ITGA7: variants seen among roughly 807,000 people sequenced by gnomAD.
The protein encoded by ITGA7 is integrin alpha-7.
ITGA7 carries 84 observed loss-of-function variants against 131.6 expected under a neutral mutation model. The observed-to-expected ratio is 0.64, with a 90% CI of 0.54 to 0.77. ITGA7 has a LOEUF of 0.77. Among genes scored for constraint, ITGA7 ranks in the 30% least tolerant of loss-of-function variants. The pLI is 0.00. For missense variants in ITGA7, 1,399 were observed against 1,482.9 expected, an observed-to-expected ratio of 0.94 and a Z score of 0.93; for synonymous variants, 548 against 600.7, an observed-to-expected ratio of 0.91 and a Z score of 1.28.
rs1374268552 is a variant in ITGA7, at chr12:55,697,227, C to T, written c.1556G>A (p.Ser519Asn). 1 of 1,597,900 alleles carries T rather than the reference C, an allele frequency of 6.3e-7. No homozygotes were observed. Reference protein sequence around the residue: ...FSYIAVPSSYSPTVALDYVLD... With the variant: ...FSYIAVPSSYNPTVALDYVLD... ...GGGACCGCACTCACCCACAGTAGGGCTATAGCTGCTGGGGACTGCAATGTA... is the reference window on the plus strand; with the variant it reads ...GGGACCGCACTCACCCACAGTAGGGTTATAGCTGCTGGGGACTGCAATGTA... The change falls in exon 11 of 25, where the codon AGC becomes AAC. Residue 519 changes from serine (S) to asparagine (N), a missense_variant. By Grantham distance (46) the Ser-to-Asn change is conservative. Coordinates refer to ENST00000257879, the MANE Select transcript of ITGA7 (RefSeq NM_002206.3).
chr12:55,685,715 G>T (rs1301916538), intron 24 of ITGA7, among the ~76,000 whole-genome samples: 2 of 152,206 alleles, frequency 1.3e-5, no homozygotes, highest in South Asian at 2.1e-4. Flanking sequence ...TCATAAACAT[G>T]CACCCCGTGT....
intron 1 of ITGA7, among the ~76,000 whole-genome samples, chr12:55,704,227 G>C (rs557116642): frequency 6.6e-6 from 1 of 152,214 alleles, no homozygotes; most frequent in Admixed American, 6.5e-5. Flanking sequence ...TGGGGGGCAA[G>C]GCCCAAAACC....
In ITGA7 at chr12:55,694,214, C is replaced by T; in HGVS notation, c.2432+42G>A. Reference sequence around the variant, plus strand: ...TGGCCAAGGTTTGGAAATGTCAATGCCCCCTCCCTCCAATGGAGGTGCCCC... The same window carrying T: ...TGGCCAAGGTTTGGAAATGTCAATGTCCCCTCCCTCCAATGGAGGTGCCCC... On this transcript the variant is annotated intron_variant, in intron 18 of 24. Transcript: ENST00000257879. This position sits in a 1 kb window ranked among gnomAD's most constrained non-coding sequence, Gnocchi z 5.3. 6.2e-7 allele frequency: 1 copy of T among 1,612,298 alleles called. No individual in the cohort carries two copies. The highest frequency in any genetic ancestry group is 1.1e-5 in the South Asian group (1 of 91,056).
Position 55,698,765 on chromosome 12 carries a change from G to A in ITGA7, c.943C>T (p.Arg315Cys), listed in dbSNP as rs747302062. ...LVPEVMLSGE[R>C]LTSGFGYSLA... is the part of the protein sequence containing the mutation. ...GAGTAGCCAAAGCCGGAGGTCAGGC[G>A]CTCCCCAGACAGCATAACCTCGGGC... Residue 315 changes from arginine (R) to cysteine (C), a missense_variant, in exon 6 of 25, where the codon CGC becomes TGC. Physicochemically the swap from Arg to Cys is radical, Grantham distance 180. Coordinates refer to ENST00000257879, the MANE Select transcript of ITGA7 (RefSeq NM_002206.3). 1.7e-5 allele frequency: 28 copies of A among 1,613,968 alleles called. No homozygotes were observed. The highest frequency in any genetic ancestry group is 5.3e-5 in the African/African-American group (4 of 74,884).
chr12:55,708,354 C>T (rs539132257), upstream of ITGA7, among the ~76,000 whole-genome samples: 68 of 152,066 alleles, frequency 4.5e-4, no homozygotes, highest in Non-Finnish European at 6.9e-4. Context: ...TCCCTGTTCC[C>T]CCATGGTCAC....
upstream of ITGA7, among the ~76,000 whole-genome samples, chr12:55,714,283 C>T (rs1331416763): frequency 1.3e-5 from 2 of 151,908 alleles, no homozygotes; most frequent in African/African-American, 4.8e-5. Context: ...GAGGCCGAGG[C>T]GGGCGGATCA....
chr12:55,697,509 T>A lies in ITGA7; in HGVS notation c.1447A>T (p.Ile483Phe), dbSNP rs748158751. ...TCCAGGTCGATGCTTCGTGGAGCAA[T>A]AGAGACCTCATGGGAGACATGGAGG... ...PILHVSHEVS[I>F]APRSIDLEQP... The change falls in exon 10 of 25, where the codon ATT becomes TTT. Residue 483 changes from isoleucine to phenylalanine, a missense_variant. By Grantham distance (21) the Ile-to-Phe change is conservative. Transcript: ENST00000257879. 1 of 1,613,922 alleles carries A rather than the reference T, an allele frequency of 6.2e-7. No individual in the cohort carries two copies.
upstream of ITGA7, among the ~76,000 whole-genome samples, chr12:55,714,836 T>A (rs951315001): frequency 6.7e-6 from 1 of 150,312 alleles, no homozygotes; most frequent in Non-Finnish European, 1.5e-5. Flanking sequence ...CCTTAGATTC[T>A]ATTTAATTAG....
intron 3 of ITGA7, 50 bp downstream of exon 3, chr12:55,702,816 AACACAC>A: frequency 4.4e-6 from 6 of 1,350,718 alleles, no homozygotes; most frequent in Non-Finnish European, 5.2e-6. Flanking sequence ...ACACACCATA[AACACAC>A]ACACACACAC....
chr12:55,709,392 G>A (rs1323809093), upstream of ITGA7, among the ~76,000 whole-genome samples: 3 of 152,132 alleles, frequency 2.0e-5, no homozygotes, highest in Non-Finnish European at 4.4e-5. Context: ...CTGCTGCCCT[G>A]GGACAGTCTT....
In ITGA7 at chr12:55,688,004, C is replaced by A. The variant is rs114735704; in HGVS notation, c.3150G>T (p.Leu1050=). Residue 1050 remains leucine (L), a synonymous_variant, in exon 24 of 25, where the codon CTG becomes CTT. Coordinates refer to ENST00000257879, the MANE Select transcript of ITGA7 (RefSeq NM_002206.3). ...VILLAVLAGL[L]VLALLVLLLW... The stretch of plus-strand genomic sequence containing the variant: ...GGAGCAGCACCAGCAGTGCTAGCAC[C>A]AGCAGCCCAGCCAGTACAGCCAGGA... 382 of 1,614,164 alleles carry A rather than the reference C, an allele frequency of 2.4e-4. 1 individual carries two copies. In the African/African-American group the frequency reaches 4.6e-3, roughly 19 times the overall value.
At chr12:55,695,717 T>A in intron 13 of ITGA7, 80 bp from the exon 14 acceptor site, 1 of 939,534 alleles carries the variant, frequency 1.1e-6, no homozygotes, top group South Asian at 1.3e-5. Flanking sequence ...TATGGTGGGT[T>A]AGAGTATCAC....
chr12:55,685,597 C>G (rs1167562311), intron 24 of ITGA7, among the ~76,000 whole-genome samples: 1 of 152,150 alleles, frequency 6.6e-6, no homozygotes, highest in Non-Finnish European at 1.5e-5. Flanking sequence ...TTTGTACCCC[C>G]TCTAGCTTCT....
chr12:55,694,090 A>T lies in ITGA7; in HGVS notation c.2466T>A (p.Gly822=), dbSNP rs760786169. 3.1e-6 allele frequency: 5 copies of T among 1,614,124 alleles called. No homozygotes were observed. The highest frequency in any genetic ancestry group is 4.2e-6 in the Non-Finnish European group (5 of 1,180,012). ...MAIPQQLFFS[G]VVRGERAMQS... is the part of the protein sequence containing the mutation. ...GCATGGCTCTCTCGCCCCTCACCAC[A>T]CCAGAGAAGAAGAGTTGCTGGGGAA... Residue 822 remains glycine (G), a synonymous_variant, in exon 19 of 25, where the codon GGT becomes GGA. Coordinates refer to ENST00000257879, the MANE Select transcript of ITGA7 (RefSeq NM_002206.3). The surrounding 1 kb of genome is among the most constrained non-coding windows in gnomAD (Gnocchi z 5.3).
intron 3 of ITGA7, chr12:55,701,387 C>T: frequency 6.4e-7 from 1 of 1,551,918 alleles, no homozygotes; most frequent in Non-Finnish European, 8.7e-7. Context: ...ACTTCCTTGC[C>T]CTCAAATGGA....
chr12:55,691,702 A>C (rs1871452797), intron 21 of ITGA7, among the ~76,000 whole-genome samples: 1 of 152,238 alleles, frequency 6.6e-6, no homozygotes, highest in Non-Finnish European at 1.5e-5. Flanking sequence ...GGTCACGTGG[A>C]GAAGGGAGGA....
chr12:55,686,022 G>A (rs944624589), intron 24 of ITGA7, among the ~76,000 whole-genome samples: 1 of 152,166 alleles, frequency 6.6e-6, no homozygotes, highest in African/African-American at 2.4e-5. Context: ...CACGCCTCAG[G>A]CTGTGTAGAC....
At position 55,699,956 on chromosome 12, in the gene ITGA7, T is replaced by A. The variant is rs1209118362; in HGVS notation, c.704A>T (p.Asp235Val). The change falls in exon 5 of 25, where the codon GAC becomes GTC. Residue 235 changes from aspartate (D) to valine (V), a missense_variant. By Grantham distance (152) the Asp-to-Val change is radical. Coordinates refer to ENST00000257879, the MANE Select transcript of ITGA7 (RefSeq NM_002206.3). ...LLFVTNIDSS[D>V]PDQLVYKTLD... ...AGTTTTATACACCAGCTGGTCGGGGTCTGAGCTATCAATGTTGGTCACAAA... is the reference window on the plus strand; with the variant it reads ...AGTTTTATACACCAGCTGGTCGGGGACTGAGCTATCAATGTTGGTCACAAA... The A allele has an allele frequency of 6.2e-7, 1 of 1,613,516 alleles. No individual in the cohort carries two copies. Among genetic ancestry groups the A allele is most frequent in the Non-Finnish European group, 8.5e-7 (1 of 1,179,932 alleles).
upstream of ITGA7, chr12:55,712,159 G>A (rs1424344958): frequency 7.1e-6 from 11 of 1,551,250 alleles, no homozygotes; most frequent in Non-Finnish European, 8.7e-6. Flanking sequence ...ACATAAATGT[G>A]ATTGAGGGAA....
Sources: gnomAD v4.1 joint callset for allele counts (sites outside exome capture counted in the v4.1 genomes callset) on GRCh38, gnomAD v4.1.1 for gene constraint, Gnocchi (gnomAD v3.1) non-coding constraint, MANE v1.5 for transcripts, NCBI Gene and HGNC (gene_info 2026-07-23, HGNC 2026-07-21) for gene names.